Variants in GPSM1 observed in about 807,000 individuals in gnomAD.
GPSM1 encodes G protein-signaling modulator 1.
In GPSM1, 48 loss-of-function variants were observed where a neutral mutation model predicts 70.5. The ratio of observed to expected loss-of-function variants is 0.68; its 90% CI spans 0.54 to 0.87. GPSM1 has a LOEUF of 0.87. Among genes scored for constraint, GPSM1 ranks in the 40% least tolerant of loss-of-function variants. The pLI is 0.00. For synonymous variants in GPSM1, 416 were observed against 430.1 expected, an observed-to-expected ratio of 0.97 and a Z score of 0.41; for missense variants, 981 against 972.6, an observed-to-expected ratio of 1.01 and a Z score of -0.11.
rs1554769330 is a variant in GPSM1, at chr9:136,336,938, C to T, written c.444C>T (p.Ala148=). Reference sequence around the variant, plus strand: ...GCCCACAGGTTGGGGAGGCGAGGGCCCTCTACAACATCGGGAACGTGTACC... The same window carrying T: ...GCCCACAGGTTGGGGAGGCGAGGGCTCTCTACAACATCGGGAACGTGTACC... ...EQGDKVGEAR[A]LYNIGNVYHA... is the part of the protein sequence containing the mutation. Residue 148 remains alanine, a synonymous_variant, in exon 4 of 14, where the codon GCC becomes GCT. Transcript: ENST00000440944. The T allele has an allele frequency of 1.3e-6, 2 of 1,556,700 alleles. No individual in the cohort carries two copies. Among genetic ancestry groups the T allele is most frequent in the African/African-American group, 2.7e-5 (2 of 73,324 alleles).
At position 136,358,964 on chromosome 9, in the gene GPSM1, G is replaced by A. The variant is rs752633016; in HGVS notation, c.*744G>A. 6.6e-6 allele frequency: 1 copy of A among 152,412 alleles called. No individual in the cohort carries two copies. Among genetic ancestry groups the A allele is most frequent in the Non-Finnish European group, 1.5e-5 (1 of 68,124 alleles). 9.4% of individuals were successfully genotyped at this position (152,412 alleles called of 1,614,324 possible). ...GGGCCTGGTCCTAGGGATGCTTACT[G>A]GCAGCAAGAGCAGTGCCCAGTCAGG... On this transcript the variant is annotated 3_prime_UTR_variant, in exon 14 of 14. Transcript: ENST00000440944.
rs993847156 is a variant in GPSM1, at chr9:136,342,963, G to C, written c.1207+1970G>C. On this transcript the variant is annotated intron_variant, in intron 9 of 13. Coordinates refer to ENST00000440944, the MANE Select transcript of GPSM1 (RefSeq NM_001145638.3). The surrounding 1 kb of genome is among the most constrained non-coding windows in gnomAD (Gnocchi z 5.5). ...GTCCATGGGGGCGGTGGGCGTGGCA[G>C]AGGCTGGTGGGTTTGGTGTCCCGTT... is the stretch of plus-strand genomic sequence containing the variant. 6.6e-6 allele frequency among the ~76,000 whole-genome samples: 1 copy of C among 152,068 alleles called. No homozygotes were observed. Among genetic ancestry groups the C allele is most frequent in the Non-Finnish European group, 1.5e-5 (1 of 67,982 alleles).
intron 11 of GPSM1, among the ~76,000 whole-genome samples, chr9:136,354,637 C>A (rs1289829728): frequency 1.3e-5 from 2 of 152,236 alleles, no homozygotes; most frequent in Non-Finnish European, 2.9e-5. Context: ...GCCCTGGGGC[C>A]CGGACCAGGC....
Position 136,355,713 on chromosome 9 carries a change from G to C in GPSM1, c.1479G>C (p.Ser493=). 6.2e-7 allele frequency: 1 copy of C among 1,612,286 alleles called. No individual in the cohort carries two copies. Among genetic ancestry groups the C allele is most frequent in the Non-Finnish European group, 8.5e-7 (1 of 1,179,490 alleles). Residue 493 remains serine (S), a synonymous_variant, in exon 12 of 14, where the codon TCG becomes TCC. Coordinates refer to ENST00000440944, the MANE Select transcript of GPSM1 (RefSeq NM_001145638.3). ...AGAGCATCCCGAGGGCCCCGTCTTC[G>C]GACGAGGAGTGCTTCTTTGACCTGT... ...PRTSIPRAPS[S]DEECFFDLLT...
chr9:136,340,467 C>T lies in GPSM1; in HGVS notation c.1084-403C>T, dbSNP rs1457210096. On this transcript the variant is annotated intron_variant, in intron 8 of 13. Coordinates refer to ENST00000440944, the MANE Select transcript of GPSM1 (RefSeq NM_001145638.3). The surrounding 1 kb of genome is among the most constrained non-coding windows in gnomAD (Gnocchi z 7.3). ...CCCATGCCACCTCTCTTCTGCTTGA[C>T]TTAAGCAAACAGTTAGTTCCTGAGT... is the stretch of plus-strand genomic sequence containing the variant. 1.3e-5 allele frequency among the ~76,000 whole-genome samples: 2 copies of T among 151,918 alleles called. No homozygotes were observed. The highest frequency in any genetic ancestry group is 4.8e-5 in the African/African-American group (2 of 41,366).
chr9:136,333,371 C>G (rs1254331805), intron 1 of GPSM1, among the ~76,000 whole-genome samples: 2 of 152,222 alleles, frequency 1.3e-5, no homozygotes, highest in Non-Finnish European at 2.9e-5. Flanking sequence ...GGACACCAGG[C>G]CCCAGAGCAG....
chr9:136,337,266 G>T (rs1554769423), intron 4 of GPSM1, among the ~76,000 whole-genome samples, 175 bp from the exon 5 acceptor site: 1 of 152,230 alleles, frequency 6.6e-6, no homozygotes, highest in African/African-American at 2.4e-5. Flanking sequence ...GGGACTTGGG[G>T]GACATGACCA....
chr9:136,348,557 G>A, intron 9 of GPSM1, 140 bp from the exon 10 acceptor site: 2 of 595,290 alleles, frequency 3.4e-6, no homozygotes, highest in Non-Finnish European at 6.1e-6. Context: ...ACTCAGACAT[G>A]GCGCTCGCCT....
chr9:136,348,297 C>G (rs943866863), intron 9 of GPSM1, among the ~76,000 whole-genome samples: 10 of 152,176 alleles, frequency 6.6e-5, no homozygotes, highest in Non-Finnish European at 1.3e-4. Context: ...GCATGATGCA[C>G]CCTCAGGAGG....
At chr9:136,354,955 A>G in intron 11 of GPSM1, 3 of 1,036,482 alleles carry the variant, frequency 2.9e-6, no homozygotes, top group Non-Finnish European at 3.5e-6. Flanking sequence ...CAGGTGACGG[A>G]CAGAGGCCTG....
In GPSM1 at chr9:136,340,846, G is replaced by T; in HGVS notation, c.1084-24G>T. ...GCAGGGCCCCCAGCCACACCTGCCCGCTCCGCCACCCCACTCGCCGCAGAT... is the reference window on the plus strand; with the variant it reads ...GCAGGGCCCCCAGCCACACCTGCCCTCTCCGCCACCCCACTCGCCGCAGAT... On this transcript the variant is annotated intron_variant, in intron 8 of 13. Coordinates refer to ENST00000440944, the MANE Select transcript of GPSM1 (RefSeq NM_001145638.3). The surrounding 1 kb of genome is among the most constrained non-coding windows in gnomAD (Gnocchi z 7.3). 2 of 1,548,004 alleles carry T rather than the reference G, an allele frequency of 1.3e-6. No homozygotes were observed. The highest frequency in any genetic ancestry group is 1.4e-5 in the African/African-American group (1 of 73,496).
chr9:136,344,693 G>A (rs1832478371), intron 9 of GPSM1, among the ~76,000 whole-genome samples: 1 of 150,596 alleles, frequency 6.6e-6, no homozygotes, highest in Non-Finnish European at 1.5e-5. Context: ...CTTAGACGGA[G>A]GAACAGCAGT....
chr9:136,339,541 A>G (rs1554769838), intron 7 of GPSM1, among the ~76,000 whole-genome samples, 166 bp from the exon 8 acceptor site: 1 of 152,248 alleles, frequency 6.6e-6, no homozygotes, highest in Non-Finnish European at 1.5e-5. Context: ...TGGGAGGTCC[A>G]GCTGGGGGCA....
rs149540277 is a variant in GPSM1 at position 136,334,519 on chromosome 9, C to T, written c.141C>T (p.Gly47=). The T allele has an allele frequency of 2.4e-5, 38 of 1,613,182 alleles. No individual in the cohort carries two copies. Among genetic ancestry groups the T allele is most frequent in the Admixed American group, 5.0e-5 (3 of 60,004 alleles). Residue 47 remains glycine (G), a synonymous_variant, in exon 2 of 14, where the codon GGC becomes GGT. Coordinates refer to ENST00000440944, the MANE Select transcript of GPSM1 (RefSeq NM_001145638.3). ...GCAAGGCGGGCGACTTCAAGACAGG[C>T]GTGGCCTTCTTTGAGGCTGCTGTGC... is the stretch of plus-strand genomic sequence containing the variant. ...RLCKAGDFKT[G]VAFFEAAVQV...
chr9:136,335,779 G>A (rs1020180661), intron 2 of GPSM1, among the ~76,000 whole-genome samples, 187 bp from the exon 3 acceptor site: 10 of 152,280 alleles, frequency 6.6e-5, no homozygotes, highest in Non-Finnish European at 1.3e-4. Context: ...CATACCCAGG[G>A]CTGCCCTCGG....
chr9:136,332,262 C>A, intron 1 of GPSM1: 1 of 398,138 alleles, frequency 2.5e-6, no homozygotes, highest in African/African-American at 2.1e-5. Flanking sequence ...GGACACCCAC[C>A]TGGTGCAGCT....
rs570299005 is a variant in GPSM1, at chr9:136,338,062, C to T, written c.818+101C>T. On this transcript the variant is annotated intron_variant, in intron 6 of 13. Coordinates refer to ENST00000440944, the MANE Select transcript of GPSM1 (RefSeq NM_001145638.3). Reference sequence around the variant, plus strand: ...CCAAGCTGGGAATCTGACTGCCTCCCCTCCCCTCCCCAGAAGGCAAGGTGG... The same window carrying T: ...CCAAGCTGGGAATCTGACTGCCTCCTCTCCCCTCCCCAGAAGGCAAGGTGG... 5 of 743,690 alleles carry T rather than the reference C, an allele frequency of 6.7e-6. No homozygotes were observed. The South Asian group carries it at 7.1e-5, about 11-fold the overall frequency. 46.1% of individuals were successfully genotyped at this position (743,690 alleles called of 1,614,324 possible). A position where few individuals can be genotyped will look rare whatever the true frequency, so the allele number is the denominator to read the frequency against.
At position 136,340,977 on chromosome 9, in the gene GPSM1, C is replaced by T. The variant is rs1554770154; in HGVS notation, c.1191C>T (p.Ala397=). 8.9e-6 allele frequency: 14 copies of T among 1,564,772 alleles called. No homozygotes were observed. Among genetic ancestry groups the T allele is most frequent in the South Asian group, 1.2e-5 (1 of 85,074 alleles). The change falls in exon 9 of 14, where the codon GCC becomes GCT. Residue 397 remains alanine, a synonymous_variant. Transcript: ENST00000440944. This position sits in a 1 kb window ranked among gnomAD's most constrained non-coding sequence, Gnocchi z 7.3. The part of the protein sequence containing the change: ...SPAASEKPDL[A]GYEAQGARPK... ...CAGCCTCAGAGAAGCCTGACCTGGC[C>T]GGCTATGAGGCCCAGGGTGAGTTCC...
chr9:136,329,573 T>G (rs1453617474), intron 1 of GPSM1, among the ~76,000 whole-genome samples: 2 of 152,098 alleles, frequency 1.3e-5, no homozygotes, highest in African/African-American at 4.8e-5. Context: ...GTGTGGGCAC[T>G]CCTCACGTGG....
Sources: gnomAD v4.1 joint callset for allele counts (sites outside exome capture counted in the v4.1 genomes callset) on GRCh38, gnomAD v4.1.1 for gene constraint, Gnocchi (gnomAD v3.1) non-coding constraint, MANE v1.5 for transcripts, NCBI Gene and HGNC (gene_info 2026-07-23, HGNC 2026-07-21) for gene names.